Variants in LARS2 observed in about 807,000 individuals in gnomAD.
LARS2 encodes leucine--tRNA ligase, mitochondrial.
In LARS2, 81 loss-of-function variants were observed where a neutral mutation model predicts 116.6. The observed-to-expected ratio is 0.69, with a 90% CI of 0.58 to 0.84. LARS2 has a LOEUF of 0.84. Ranked by LOEUF, LARS2 falls within the 40% of genes least tolerant of loss-of-function variation. The probability of loss-of-function intolerance (pLI) is 0.00; values close to 1 mark genes in which losing one functional copy is unlikely to be tolerated. For missense variants in LARS2, 968 were observed against 1,114.5 expected (o/e 0.87, Z 1.87); for synonymous variants, 396 against 407.2 (o/e 0.97, Z 0.33).
At chr3:45,476,071 T>C (rs2125719605) in intron 9 of LARS2, among the ~76,000 whole-genome samples, 1 of 152,254 alleles carries the variant, frequency 6.6e-6, no homozygotes, top group South Asian at 2.1e-4. Flanking sequence ...TGCCTTTTTT[T>C]TTTTTTTTTA....
rs1174537014 is a variant in LARS2, at chr3:45,474,911, ATAGACT to A, written c.858+566_858+571del. ...AACTGTGACATCATTTCAAAACTAG[ATAGACT>A]TAGAGCTTAGGGATTGTGTTTGAAA... is the stretch of plus-strand genomic sequence containing the variant. On this transcript the variant is annotated intron_variant, in intron 9 of 21. Coordinates refer to ENST00000645846, the MANE Select transcript of LARS2 (RefSeq NM_015340.4). Among the ~76,000 whole-genome samples the A allele has an allele frequency of 5.3e-5, 8 of 152,192 alleles. No individual in the cohort carries two copies. In the East Asian group the frequency reaches 1.5e-3, roughly 29 times the overall value.
At chr3:45,423,109 T>A (rs1208893520) in intron 6 of LARS2, among the ~76,000 whole-genome samples, 1 of 152,244 alleles carries the variant, frequency 6.6e-6, no homozygotes, top group Non-Finnish European at 1.5e-5. Context: ...TTCAATCTGC[T>A]AAAAGATAGC....
chr3:45,451,813 A>G (rs1194933626), intron 7 of LARS2, among the ~76,000 whole-genome samples: 2 of 152,110 alleles, frequency 1.3e-5, no homozygotes, highest in Non-Finnish European at 2.9e-5. Context: ...CATTTTAACA[A>G]TATTCTTCCA....
At chr3:45,399,570 G>C (rs921114917) in intron 3 of LARS2, among the ~76,000 whole-genome samples, 13 of 151,504 alleles carry the variant, frequency 8.6e-5, no homozygotes, top group Non-Finnish European at 1.6e-4. Flanking sequence ...ACAGACTGGC[G>C]CTGAATTCTT....
Position 45,541,956 on chromosome 3 carries a change from G to A in LARS2, c.2532G>A (p.Leu844=). ...CTGAGGTTGTCCAGATGGCAGTTCT[G>A]GTAAGTATCTCCCCTCAACCCCAGA... ...QQPEVVQMAV[L]INNKACGKIP... is the part of the protein sequence containing the mutation. The change falls in exon 21 of 22, where the codon CTG becomes CTA. Residue 844 remains leucine, a splice_region_variant and synonymous_variant. Coordinates refer to ENST00000645846, the MANE Select transcript of LARS2 (RefSeq NM_015340.4). The A allele has an allele frequency of 6.2e-7, 1 of 1,614,132 alleles. No homozygotes were observed.
intron 6 of LARS2, 23 bp from the exon 7 acceptor site, chr3:45,446,868 T>C: frequency 6.7e-7 from 1 of 1,485,396 alleles, no homozygotes; most frequent in South Asian, 1.1e-5. Flanking sequence ...GGCCTGTACA[T>C]TATTTTTCTT....
chr3:45,439,080 A>G (rs1447456842), intron 6 of LARS2, among the ~76,000 whole-genome samples: 1 of 151,902 alleles, frequency 6.6e-6, no homozygotes, highest in African/African-American at 2.4e-5. Context: ...CCTGTTCCCT[A>G]CTTCCTCCTC....
At chr3:45,488,935 C>T (rs1699865221) in intron 12 of LARS2, 123 bp downstream of exon 12, 2 of 721,000 alleles carry the variant, frequency 2.8e-6, no homozygotes, top group African/African-American at 3.5e-5. Flanking sequence ...GCCTTGTGGC[C>T]TCATATCTAT....
chr3:45,547,389 A>G lies in LARS2; in HGVS notation c.2571A>G (p.Gln857=). ...NKACGKIPVP[Q]QVARDQDKVH... ...CTTGTGGCAAAATTCCTGTGCCCCAACAAGTTGCCCGGGACCAGGACAAAG... is the reference window on the plus strand; with the variant it reads ...CTTGTGGCAAAATTCCTGTGCCCCAGCAAGTTGCCCGGGACCAGGACAAAG... Residue 857 remains glutamine (Q), a synonymous_variant, in exon 22 of 22, where the codon CAA becomes CAG. Coordinates refer to ENST00000645846, the MANE Select transcript of LARS2 (RefSeq NM_015340.4). 5 of 1,612,116 alleles carry G rather than the reference A, an allele frequency of 3.1e-6. No homozygotes were observed. The highest frequency in any genetic ancestry group is 3.4e-6 in the Non-Finnish European group (4 of 1,179,440).
At chr3:45,538,828 A>G (rs1057101771) in intron 20 of LARS2, among the ~76,000 whole-genome samples, 3 of 152,160 alleles carry the variant, frequency 2.0e-5, no homozygotes, top group African/African-American at 7.2e-5. Context: ...GGTCGGTGGA[A>G]CTCTCAGTTC....
intron 17 of LARS2, among the ~76,000 whole-genome samples, chr3:45,517,080 A>G (rs1700378934): frequency 6.6e-6 from 1 of 152,128 alleles, no homozygotes; most frequent in African/African-American, 2.4e-5. Context: ...GCTAGTGGGA[A>G]GTGTGGTCTG....
At chr3:45,430,610 A>C (rs1183083949) in intron 6 of LARS2, among the ~76,000 whole-genome samples, 2 of 98,424 alleles carry the variant, frequency 2.0e-5, no homozygotes, top group Non-Finnish European at 3.9e-5. Context: ...TTTGAGTCAG[A>C]GTCTCGCCCT....
At chr3:45,407,132 G>A (rs900928368) in intron 4 of LARS2, among the ~76,000 whole-genome samples, 3 of 152,080 alleles carry the variant, frequency 2.0e-5, no homozygotes, top group East Asian at 1.9e-4. Flanking sequence ...TATTCACTGC[G>A]GAGGAGGAAG....
intron 7 of LARS2, among the ~76,000 whole-genome samples, chr3:45,455,113 T>C (rs2125708678): frequency 6.6e-6 from 1 of 152,002 alleles, no homozygotes; most frequent in African/African-American, 2.4e-5. Context: ...ATAAATTGCC[T>C]TTGTGTTTTG....
intron 6 of LARS2, among the ~76,000 whole-genome samples, chr3:45,429,169 AAAC>A (rs1182964404): frequency 6.6e-6 from 1 of 152,218 alleles, no homozygotes; most frequent in African/African-American, 2.4e-5. Context: ...TAGCATCTTA[AAAC>A]AACATCAGCA....
intron 9 of LARS2, 79 bp downstream of exon 9, chr3:45,474,429 A>G (rs1440296993): frequency 2.4e-6 from 2 of 845,992 alleles, no homozygotes; most frequent in African/African-American, 1.6e-5. Flanking sequence ...TAAACCAGCA[A>G]CTTGGGACTC....
At chr3:45,410,100 C>T (rs746475128) in intron 4 of LARS2, among the ~76,000 whole-genome samples, 11 of 152,160 alleles carry the variant, frequency 7.2e-5, no homozygotes, top group Non-Finnish European at 1.5e-4. Context: ...AACATTGAAT[C>T]GGTGCCATTT....
chr3:45,443,771 C>T (rs2125702191), intron 6 of LARS2, among the ~76,000 whole-genome samples: 2 of 152,226 alleles, frequency 1.3e-5, no homozygotes, highest in African/African-American at 4.8e-5. Flanking sequence ...ACTCTTTTAG[C>T]AGTTGAGGTT....
chr3:45,430,001 C>CTTT (rs1559466268), intron 6 of LARS2, among the ~76,000 whole-genome samples: 2 of 58,938 alleles, frequency 3.4e-5, no homozygotes, highest in African/African-American at 4.9e-5. Context: ...CATGCCCAGC[C>CTTT]TCTTTTTTTT....
Sources: allele counts gnomAD v4.1 joint callset (sites outside exome capture counted in the v4.1 genomes callset), GRCh38; gene constraint gnomAD v4.1.1; transcripts MANE v1.5; gene names NCBI Gene and HGNC (gene_info 2026-07-23, HGNC 2026-07-21).